The following SMARCD1 variants were observed in gnomAD, a reference collection of about 807,000 sequenced individuals.
SMARCD1 encodes SWI/SNF-related matrix-associated actin-dependent regulator of chromatin subfamily D member 1.
A neutral mutation model predicts 70.8 loss-of-function variants in SMARCD1; 16 were observed. The observed-to-expected ratio is 0.23, with a 90% CI of 0.15 to 0.34. The LOEUF (loss-of-function observed/expected upper bound fraction) is 0.34, where lower values mean the gene tolerates loss of function less well. Among genes scored for constraint, SMARCD1 ranks in the 10% least tolerant of loss-of-function variants. The pLI, the probability that SMARCD1 is intolerant of heterozygous loss-of-function variation, is 1.00. For synonymous variants in SMARCD1, 249 were observed against 246.0 expected (o/e 1.01, Z -0.11); for missense variants, 409 against 655.5 (o/e 0.62, Z 4.11).
At position 50,086,778 on chromosome 12, in the gene SMARCD1, C is replaced by G; in HGVS notation, c.431C>G (p.Ser144Cys). 6.2e-7 allele frequency: 1 copy of G among 1,614,050 alleles called. No individual in the cohort carries two copies. The highest frequency in any genetic ancestry group is 8.5e-7 in the Non-Finnish European group (1 of 1,179,978). Reference sequence around the variant, plus strand: ...AAGATTCGTGAACTGGTACCAGAATCCCAGGCCTATATGGATCTCTTGGCT... The same window carrying G: ...AAGATTCGTGAACTGGTACCAGAATGCCAGGCCTATATGGATCTCTTGGCT... ...PQRIRELVPE[S>C]QAYMDLLAFE... Residue 144 changes from serine (S) to cysteine (C), a missense_variant, in exon 4 of 13, where the codon TCC (serine) becomes TGC (cysteine). Physicochemically the swap from Ser to Cys is moderately radical, Grantham distance 112. Around this residue, in one of 2 missense-constraint regions of SMARCD1, gnomAD observed 269 missense variants for 498.6 expected, o/e 0.54. Transcript: ENST00000394963.
At position 50,085,531 on chromosome 12, in the gene SMARCD1, C is replaced by CG; in HGVS notation, c.164dup (p.Ala56SerfsTer75). Reference sequence around the variant, plus strand: ...AAGGGCTGTACCGCTCCCCGATGCCCGGAGCGGCCTATCCGGTGAGTGGGG... The same window carrying CG: ...AAGGGCTGTACCGCTCCCCGATGCCCGGGAGCGGCCTATCCGGTGAGTGGGG... On this transcript the variant is annotated frameshift_variant, in exon 1 of 13. Coordinates refer to ENST00000394963, the MANE Select transcript of SMARCD1 (RefSeq NM_003076.5). LOFTEE classifies it high-confidence loss of function. 1 of 1,232,892 alleles carries CG rather than the reference C, an allele frequency of 8.1e-7. No homozygotes were observed. Among genetic ancestry groups the CG allele is most frequent in the Non-Finnish European group, 1.0e-6 (1 of 988,352 alleles). 76.4% of individuals were successfully genotyped at this position (1,232,892 alleles called of 1,614,324 possible).
chr12:50,087,143 C>T (rs1480545879), intron 4 of SMARCD1, among the ~76,000 whole-genome samples: 1 of 152,214 alleles, frequency 6.6e-6, no homozygotes, highest in African/African-American at 2.4e-5. Context: ...GAACCTGGCA[C>T]CTTGCATGAC....
At chr12:50,095,035 T>A (rs1019514176) in intron 10 of SMARCD1, among the ~76,000 whole-genome samples, 2 of 152,280 alleles carry the variant, frequency 1.3e-5, no homozygotes, top group Admixed American at 6.5e-5. Context: ...TGACCTCAAG[T>A]GATCTGCCCG....
In SMARCD1 at chr12:50,085,504, T is replaced by C; in HGVS notation, c.135T>C (p.Gly45=). ...GPPVRMGPAP[G]QGLYRSPMPG... The stretch of plus-strand genomic sequence containing the variant: ...CTGTGCGAATGGGCCCGGCTCCGGG[T>C]CAAGGGCTGTACCGCTCCCCGATGC... The change falls in exon 1 of 13, where the codon GGT becomes GGC. Residue 45 remains glycine (G), a synonymous_variant. Transcript: ENST00000394963. 8.1e-7 allele frequency: 1 copy of C among 1,237,822 alleles called. No individual in the cohort carries two copies. The allele number at this position is 1,237,822 out of a possible 1,614,324, so 76.7% of individuals were successfully genotyped here.
chr12:50,094,371 TTGACCCTG>T (rs1325462311), intron 9 of SMARCD1, 58 bp from the exon 10 acceptor site: 5 of 1,504,702 alleles, frequency 3.3e-6, no homozygotes, highest in Non-Finnish European at 4.5e-6. Context: ...GGTCATCTTT[TTGACCCTG>T]TGTAATTAGG....
chr12:50,097,891 C>CAAAAAA (rs749628224), intron 11 of SMARCD1, among the ~76,000 whole-genome samples: 1 of 42,174 alleles, frequency 2.4e-5, no homozygotes, highest in Non-Finnish European at 5.3e-5. Flanking sequence ...GACTCCATCT[C>CAAAAAA]AAAAAAAAAA....
intron 2 of SMARCD1, 82 bp downstream of exon 2, chr12:50,086,430 GTGGTGCTGTGTCAGCAGA>G: frequency 7.5e-7 from 1 of 1,325,934 alleles, no homozygotes; most frequent in Non-Finnish European, 1.0e-6. Context: ...CCAAGAAGTG[GTGGTGCTGTGTCAGCAGA>G]TGGTGCTACA....
chr12:50,098,312 A>C (rs1950910445), intron 11 of SMARCD1, among the ~76,000 whole-genome samples: 1 of 152,188 alleles, frequency 6.6e-6, no homozygotes, highest in African/African-American at 2.4e-5. Flanking sequence ...GAAGTCCAAA[A>C]TCAGTGTGGG....
chr12:50,085,427 G>A lies in SMARCD1; in HGVS notation c.58G>A (p.Gly20Arg). ...TCCAAGCGGCGGCGCCGGAGCCTCA[G>A]GAGGGGCGGGCGCGGCTGCTGCCTT... ...VAPSGGAGAS[G>R]GAGAAAALGP... The change falls in exon 1 of 13, where the codon GGA (glycine) becomes AGA (arginine). Residue 20 changes from glycine to arginine, a missense_variant. Coordinates refer to ENST00000394963, the MANE Select transcript of SMARCD1 (RefSeq NM_003076.5). 1.6e-6 allele frequency: 2 copies of A among 1,245,136 alleles called. No homozygotes were observed. The highest frequency in any genetic ancestry group is 2.0e-6 in the Non-Finnish European group (2 of 996,334). 77.1% of individuals were successfully genotyped at this position (1,245,136 alleles called of 1,614,324 possible). A position where few individuals can be genotyped will look rare whatever the true frequency, so the allele number is the denominator to read the frequency against.
chr12:50,086,231 G>T lies in SMARCD1; in HGVS notation c.248G>T (p.Gly83Val). The T allele has an allele frequency of 6.2e-7, 1 of 1,612,246 alleles. No individual in the cohort carries two copies. Among genetic ancestry groups the T allele is most frequent in the South Asian group, 1.1e-5 (1 of 90,910 alleles). ...TCCATGGGACCCCCTGGCTATGGGG[G>T]GAACCCTTCAGTCCGACCTGGCCTG... is the stretch of plus-strand genomic sequence containing the variant. ...GPSMGPPGYG[G>V]NPSVRPGLAQ... The change falls in exon 2 of 13, where the codon GGG (glycine) becomes GTG (valine). Residue 83 changes from glycine to valine, a missense_variant. Physicochemically the swap from Gly to Val is moderately radical, Grantham distance 109. Coordinates refer to ENST00000394963, the MANE Select transcript of SMARCD1 (RefSeq NM_003076.5).
rs770117898 is a variant in SMARCD1, at chr12:50,098,997, A to G, written c.1545A>G (p.Thr515=). 1.2e-6 allele frequency: 2 copies of G among 1,613,904 alleles called. No homozygotes were observed. The highest frequency in any genetic ancestry group is 1.7e-6 in the Non-Finnish European group (2 of 1,179,818). The change falls in exon 13 of 13, where the codon ACA becomes ACG. Residue 515 remains threonine, a synonymous_variant. Coordinates refer to ENST00000394963, the MANE Select transcript of SMARCD1 (RefSeq NM_003076.5). ...AGCAAGCCCTGGGAATCCGGAATACATAGGGCCTCTCCCACAGCCCTGATT... is the reference window on the plus strand; with the variant it reads ...AGCAAGCCCTGGGAATCCGGAATACGTAGGGCCTCTCCCACAGCCCTGATT... The part of the protein sequence containing the change: ...ELEQALGIRN[T]
chr12:50,097,345 G>A (rs1185911488), intron 11 of SMARCD1, among the ~76,000 whole-genome samples: 1 of 152,086 alleles, frequency 6.6e-6, no homozygotes, highest in Non-Finnish European at 1.5e-5. Context: ...GAGGTCAGGA[G>A]TTTGAGACCA....
Position 50,086,769 on chromosome 12 carries a change from T to A in SMARCD1, c.422T>A (p.Val141Glu). The A allele has an allele frequency of 6.2e-7, 1 of 1,614,122 alleles. No homozygotes were observed. Among genetic ancestry groups the A allele is most frequent in the Non-Finnish European group, 8.5e-7 (1 of 1,179,996 alleles). ...KILPQRIREL[V>E]PESQAYMDLL... is the part of the protein sequence containing the mutation. ...TCTGTTCCTAAGATTCGTGAACTGGTACCAGAATCCCAGGCCTATATGGAT... is the reference window on the plus strand; with the variant it reads ...TCTGTTCCTAAGATTCGTGAACTGGAACCAGAATCCCAGGCCTATATGGAT... Residue 141 changes from valine (V) to glutamate (E), a missense_variant, in exon 4 of 13, where the codon GTA becomes GAA. This residue lies in a region of SMARCD1 where 269 missense variants were observed against 498.6 expected (regional missense o/e 0.54). Transcript: ENST00000394963.
chr12:50,086,066 C>G, intron 1 of SMARCD1, 95 bp from the exon 2 acceptor site: 1 of 967,324 alleles, frequency 1.0e-6, no homozygotes, highest in Non-Finnish European at 1.5e-6. Flanking sequence ...CTAAACCTTA[C>G]TTCATTCAAA....
Position 50,089,913 on chromosome 12 carries a change from C to A in SMARCD1, c.801C>A (p.Thr267=), listed in dbSNP as rs373391634. ...EWHRTATTQE[T]DGFQVKRPGD... Reference sequence around the variant, plus strand: ...ACAGGACCGCCACTACCCAGGAGACCGATGGCTTTCAGGTGAAGCGGCCGG... The same window carrying A: ...ACAGGACCGCCACTACCCAGGAGACAGATGGCTTTCAGGTGAAGCGGCCGG... The change falls in exon 7 of 13, where the codon ACC becomes ACA. Residue 267 remains threonine (T), a synonymous_variant. Coordinates refer to ENST00000394963, the MANE Select transcript of SMARCD1 (RefSeq NM_003076.5). 13 of 1,614,138 alleles carry A rather than the reference C, an allele frequency of 8.1e-6. No homozygotes were observed. In the South Asian group the frequency reaches 1.4e-4, roughly 18 times the overall value.
Position 50,090,555 on chromosome 12 carries a change from G to GCCA in SMARCD1, c.1102_1104dup (p.Pro368dup). 6.2e-7 allele frequency: 1 copy of GCCA among 1,613,978 alleles called. No individual in the cohort carries two copies. The highest frequency in any genetic ancestry group is 8.5e-7 in the Non-Finnish European group (1 of 1,179,880). On this transcript the variant is annotated inframe_insertion, in exon 9 of 13. Transcript: ENST00000394963. The stretch of plus-strand genomic sequence containing the variant: ...CTCAGCGGCTCCATGCCTTGCTTAT[G>GCCA]CCACCAGAACCTATCATCATTAATC...
At chr12:50,090,011 C>T in intron 7 of SMARCD1, 26 bp downstream of exon 7, 1 of 1,549,860 alleles carries the variant, frequency 6.5e-7, no homozygotes, top group African/African-American at 1.4e-5. Flanking sequence ...GTGAGGGGGT[C>T]CAGCTTTCAC....
At position 50,094,520 on chromosome 12, in the gene SMARCD1, C is replaced by G. The variant is rs750857733; in HGVS notation, c.1217C>G (p.Ser406Cys). 6.2e-7 allele frequency: 1 copy of G among 1,614,050 alleles called. No individual in the cohort carries two copies. Among genetic ancestry groups the G allele is most frequent in the Non-Finnish European group, 8.5e-7 (1 of 1,179,954 alleles). Residue 406 changes from serine to cysteine, a missense_variant, in exon 10 of 13, where the codon TCT (serine) becomes TGT (cysteine). Ser to Cys is a moderately radical substitution (Grantham distance 112, BLOSUM62 -1). Around this residue, in one of 2 missense-constraint regions of SMARCD1, gnomAD observed 269 missense variants for 498.6 expected, o/e 0.54. Coordinates refer to ENST00000394963, the MANE Select transcript of SMARCD1 (RefSeq NM_003076.5). ...GACACCTTGAAGACCCAGATGAATT[C>G]TTTTCTGCTGTCCACTGCCAGCCAA... ...VDDTLKTQMNSFLLSTASQQE... is the reference protein window; with the variant it reads ...VDDTLKTQMNCFLLSTASQQE...
At chr12:50,098,191 T>C (rs948591921) in intron 11 of SMARCD1, among the ~76,000 whole-genome samples, 51 of 152,312 alleles carry the variant, frequency 3.3e-4, no homozygotes, top group African/African-American at 1.1e-3. Flanking sequence ...CAACGACTTG[T>C]TGATTGCAGA....
Sources: allele counts gnomAD v4.1 joint callset (sites outside exome capture counted in the v4.1 genomes callset), GRCh38; gene constraint gnomAD v4.1.1; regional missense constraint gnomAD v4.1.1; transcripts MANE v1.5; gene names NCBI Gene and HGNC (gene_info 2026-07-23, HGNC 2026-07-21).